Variants in SERPINI1 observed in about 807,000 individuals in gnomAD.
The protein encoded by SERPINI1 is neuroserpin.
A neutral mutation model predicts 41.1 loss-of-function variants in SERPINI1; 19 were observed. That is an observed-to-expected ratio of 0.46 (90% CI 0.32 to 0.68). The LOEUF is 0.68. Ranked by LOEUF, SERPINI1 falls within the 30% of genes least tolerant of loss-of-function variation. The pLI is 0.03. For synonymous variants in SERPINI1, 138 were observed against 156.6 expected, an observed-to-expected ratio of 0.88 and a Z score of 0.89; for missense variants, 460 against 479.2, an observed-to-expected ratio of 0.96 and a Z score of 0.37.
chr3:167,789,387 G>GA lies in SERPINI1; in HGVS notation c.250+10dup. On this transcript the variant is annotated intron_variant, in intron 2 of 8. Transcript: ENST00000446050. ...TGACAGCCTAAAAAATGGTAAGAGT[G>GA]ATCAGGTTTGATTTCTCAAGACTTT... 6.2e-7 allele frequency: 1 copy of GA among 1,613,844 alleles called. No homozygotes were observed. Among genetic ancestry groups the GA allele is most frequent in the Non-Finnish European group, 8.5e-7 (1 of 1,179,826 alleles).
chr3:167,740,723 CGT>C (rs138413821), intron 1 of SERPINI1, among the ~76,000 whole-genome samples: 2 of 151,924 alleles, frequency 1.3e-5, no homozygotes, highest in Admixed American at 6.6e-5. Flanking sequence ...CGCTTGTGTG[CGT>C]GTGTGTGTGC....
At chr3:167,740,516 T>C (rs7630514) in intron 1 of SERPINI1, among the ~76,000 whole-genome samples, 85,010 of 152,124 alleles carry the variant, frequency 0.56, 26,534 homozygotes, top group African/African-American at 0.85. Context: ...AACTATTTGG[T>C]AATCTATAAT....
At chr3:167,735,888 T>G (rs1725392072) in intron 1 of SERPINI1, 65 bp downstream of exon 1, 1 of 152,214 alleles carries the variant, frequency 6.6e-6, no homozygotes, top group African/African-American at 2.4e-5. Flanking sequence ...CAATAGGAAT[T>G]ACATCAAGAC....
At chr3:167,776,883 C>T (rs56302309) in intron 1 of SERPINI1, among the ~76,000 whole-genome samples, 13,761 of 152,304 alleles carry the variant, frequency 0.09, 799 homozygotes, top group South Asian at 0.13. Flanking sequence ...CTTGACTGAA[C>T]TTGAGTCAGA....
chr3:167,776,006 G>C (rs1726960347), intron 1 of SERPINI1, among the ~76,000 whole-genome samples: 1 of 152,170 alleles, frequency 6.6e-6, no homozygotes, highest in Non-Finnish European at 1.5e-5. Flanking sequence ...CAAAATGGGG[G>C]GAGGCCTTAC....
intron 1 of SERPINI1, among the ~76,000 whole-genome samples, chr3:167,741,361 T>C (rs1725672542): frequency 6.6e-6 from 1 of 152,232 alleles, no homozygotes. Context: ...GTGATTTCTA[T>C]AGCACAGCCA....
chr3:167,789,935 A>T (rs911081713), intron 2 of SERPINI1, among the ~76,000 whole-genome samples: 2 of 152,210 alleles, frequency 1.3e-5, no homozygotes, highest in Non-Finnish European at 2.9e-5. Flanking sequence ...ATACGTGTGA[A>T]TTAGCTCATT....
chr3:167,763,326 A>C lies in SERPINI1; in HGVS notation c.-18-25785A>C, dbSNP rs538778189. Among the ~76,000 whole-genome samples, 4 of 151,536 alleles carry C rather than the reference A, an allele frequency of 2.6e-5. No homozygotes were observed. In the South Asian group the frequency reaches 8.3e-4, roughly 31 times the overall value. On this transcript the variant is annotated intron_variant, in intron 1 of 8. Coordinates refer to ENST00000446050, the MANE Select transcript of SERPINI1 (RefSeq NM_001122752.2). ...TATTTCCTCGTTTCCCATTCCTCTC[A>C]TGCCACCACTGTCATATTTCAACCA...
intron 1 of SERPINI1, among the ~76,000 whole-genome samples, chr3:167,742,042 A>G (rs1312489641): frequency 6.6e-6 from 1 of 152,168 alleles, no homozygotes; most frequent in East Asian, 1.9e-4. Context: ...ATAACTAGTT[A>G]TCTAGATAAG....
At chr3:167,748,023 T>A (rs1725919540) in intron 1 of SERPINI1, among the ~76,000 whole-genome samples, 1 of 151,826 alleles carries the variant, frequency 6.6e-6, no homozygotes, top group Non-Finnish European at 1.5e-5. Flanking sequence ...AAATATCAGC[T>A]TATCTTAATA....
At chr3:167,738,733 G>C (rs927673388) in intron 1 of SERPINI1, among the ~76,000 whole-genome samples, 2 of 150,988 alleles carry the variant, frequency 1.3e-5, no homozygotes, top group African/African-American at 4.9e-5. Flanking sequence ...ATAAATTTTG[G>C]ATGATTAACC....
At chr3:167,789,992 A>C (rs1247309045) in intron 2 of SERPINI1, among the ~76,000 whole-genome samples, 1 of 152,336 alleles carries the variant, frequency 6.6e-6, no homozygotes, top group East Asian at 1.9e-4. Context: ...TCTAGTTTTA[A>C]AATTAAAAGG....
chr3:167,793,439 A>G (rs1179987354), intron 4 of SERPINI1, among the ~76,000 whole-genome samples: 1 of 151,894 alleles, frequency 6.6e-6, no homozygotes, highest in African/African-American at 2.4e-5. Context: ...GTTTTATTCT[A>G]TTAAAAGCAC....
intron 6 of SERPINI1, among the ~76,000 whole-genome samples, chr3:167,818,123 T>G (rs1712182230): frequency 6.6e-6 from 1 of 152,048 alleles, no homozygotes; most frequent in Non-Finnish European, 1.5e-5. Context: ...CCTCTCGGGT[T>G]CAAGAGATTC....
At chr3:167,783,665 C>T (rs1308824070) in intron 1 of SERPINI1, among the ~76,000 whole-genome samples, 1 of 152,078 alleles carries the variant, frequency 6.6e-6, no homozygotes, top group Non-Finnish European at 1.5e-5. Context: ...CTCCAGCGCC[C>T]ACCCAGCCAA....
At chr3:167,760,215 A>G (rs1199281026) in intron 1 of SERPINI1, among the ~76,000 whole-genome samples, 2 of 152,116 alleles carry the variant, frequency 1.3e-5, no homozygotes, top group Non-Finnish European at 2.9e-5. Context: ...ATGGTGCTTA[A>G]AATTCTGCTT....
chr3:167,824,613 C>G (rs751424944), intron 8 of SERPINI1, 51 bp downstream of exon 8: 5 of 1,202,302 alleles, frequency 4.2e-6, no homozygotes, highest in South Asian at 1.2e-5. Flanking sequence ...CAAAGAACCT[C>G]TTTTTTAAAT....
intron 6 of SERPINI1, among the ~76,000 whole-genome samples, chr3:167,811,442 A>G (rs2108569442): frequency 7.2e-6 from 1 of 139,456 alleles, no homozygotes; most frequent in African/African-American, 2.6e-5. Context: ...CAGAGGAGTC[A>G]AGCATATGAA....
intron 1 of SERPINI1, 36 bp from the exon 2 acceptor site, chr3:167,789,075 T>C: frequency 1.3e-6 from 2 of 1,593,314 alleles, no homozygotes; most frequent in Non-Finnish European, 1.7e-6. Context: ...GTTATAGAGA[T>C]AACTAATAAT....
Sources: gnomAD v4.1 joint callset for allele counts (sites outside exome capture counted in the v4.1 genomes callset) on GRCh38, gnomAD v4.1.1 for gene constraint, MANE v1.5 for transcripts, NCBI Gene and HGNC (gene_info 2026-07-23, HGNC 2026-07-21) for gene names.